ANO10: variants seen among roughly 807,000 people sequenced by gnomAD.
ANO10 encodes the protein anoctamin 10.
ANO10 carries 77 observed loss-of-function variants against 74.7 expected under a neutral mutation model. That is an observed-to-expected ratio of 1.03 (90% confidence interval 0.86 to 1.25). ANO10 has a LOEUF of 1.25. ANO10 is among the 50% of genes most tolerant of loss of function. The pLI is 0.00. For missense variants in ANO10, 721 were observed against 778.1 expected (o/e 0.93, Z 0.87); for synonymous variants, 279 against 284.9 (o/e 0.98, Z 0.21).
At chr3:43,400,352 G>C (rs2092458237) in intron 12 of ANO10, among the ~76,000 whole-genome samples, 2 of 151,802 alleles carry the variant, frequency 1.3e-5, no homozygotes, top group East Asian at 1.9e-4. Context: ...AGACAAATCA[G>C]CAGGCCATCC....
chr3:43,609,339 A>G (rs1260144494), intron 1 of ANO10, among the ~76,000 whole-genome samples: 1 of 152,240 alleles, frequency 6.6e-6, no homozygotes. Context: ...TAAAATGACA[A>G]AGTGAAACCA....
rs2082291091 is a variant in ANO10, at chr3:43,600,480, G to C, written c.241C>G (p.Leu81Val). Reference protein sequence around the residue: ...LVGASKIRMLLGAEAVGLVKE... With the variant: ...LVGASKIRMLVGAEAVGLVKE... ...ACCAATCCCACTGCTTCTGCCCCTA[G>C]TAACATTCTAATCTTGGAGGCACCA... The change falls in exon 3 of 13, where the codon CTA becomes GTA. Residue 81 changes from leucine (L) to valine (V), a missense_variant. Transcript: ENST00000292246. The C allele has an allele frequency of 6.2e-7, 1 of 1,613,950 alleles. No homozygotes were observed. The highest frequency in any genetic ancestry group is 1.3e-5 in the African/African-American group (1 of 74,896).
At chr3:43,481,764 T>C (rs539706021) in intron 11 of ANO10, among the ~76,000 whole-genome samples, 1 of 152,158 alleles carries the variant, frequency 6.6e-6, no homozygotes, top group South Asian at 2.1e-4. Context: ...TTTCAACCAA[T>C]TGCCAGTCAG....
chr3:43,455,653 C>T (rs1180966945), intron 11 of ANO10, among the ~76,000 whole-genome samples: 1 of 152,154 alleles, frequency 6.6e-6, no homozygotes, highest in Non-Finnish European at 1.5e-5. Flanking sequence ...TTGATTATTT[C>T]TCCTTTCACC....
At chr3:43,541,017 A>G (rs553183204) in intron 11 of ANO10, among the ~76,000 whole-genome samples, 62 of 152,238 alleles carry the variant, frequency 4.1e-4, no homozygotes, top group Non-Finnish European at 1.5e-4. Flanking sequence ...AGTAAATTCC[A>G]AGATTATCAC....
At chr3:43,372,620 C>T (rs1385351021) in intron 12 of ANO10, 4 of 496,482 alleles carry the variant, frequency 8.1e-6, no homozygotes, top group Middle Eastern at 5.2e-4. Flanking sequence ...TTTCCTCCTC[C>T]CCCGTCACCA....
chr3:43,581,717 C>T, intron 4 of ANO10, among the ~76,000 whole-genome samples: 1 of 151,898 alleles, frequency 6.6e-6, no homozygotes, highest in East Asian at 1.9e-4. Flanking sequence ...GTCAGGAGTT[C>T]AAAACCAGCC....
intron 1 of ANO10, among the ~76,000 whole-genome samples, chr3:43,634,624 A>G (rs950093388): frequency 6.6e-6 from 1 of 152,202 alleles, no homozygotes. Flanking sequence ...AACAAGAAGC[A>G]CTTAAGTTTC....
intron 1 of ANO10, among the ~76,000 whole-genome samples, chr3:43,629,947 G>A (rs1479398106): frequency 6.6e-6 from 1 of 152,204 alleles, no homozygotes; most frequent in Admixed American, 6.5e-5. Context: ...CCAGAGTTGT[G>A]AGTGCAGTTA....
intron 11 of ANO10, among the ~76,000 whole-genome samples, chr3:43,490,644 C>T (rs1204007621): frequency 6.6e-6 from 1 of 152,128 alleles, no homozygotes; most frequent in Non-Finnish European, 1.5e-5. Context: ...CACTTAATAC[C>T]AAAGTATGAC....
At chr3:43,405,918 A>G (rs2092568120) in intron 12 of ANO10, among the ~76,000 whole-genome samples, 1 of 152,244 alleles carries the variant, frequency 6.6e-6, no homozygotes, top group Non-Finnish European at 1.5e-5. Flanking sequence ...CCTGAAAAGA[A>G]AAACAATTTT....
At chr3:43,419,106 C>T (rs565650947) in intron 12 of ANO10, among the ~76,000 whole-genome samples, 58 of 152,336 alleles carry the variant, frequency 3.8e-4, no homozygotes, top group Non-Finnish European at 7.6e-4. Flanking sequence ...TGTTCCTAGT[C>T]CTGTAGGCTT....
chr3:43,679,488 A>G (rs1288736736), intron 1 of ANO10, among the ~76,000 whole-genome samples: 1 of 152,214 alleles, frequency 6.6e-6, no homozygotes, highest in Non-Finnish European at 1.5e-5. Context: ...GAAGCCTGCC[A>G]GCCTCTGTAG....
chr3:43,388,875 T>C (rs1052659555), intron 12 of ANO10, among the ~76,000 whole-genome samples: 4 of 152,240 alleles, frequency 2.6e-5, no homozygotes, highest in Non-Finnish European at 5.9e-5. Context: ...CCAAATACTA[T>C]CTTCATGCCA....
intron 11 of ANO10, among the ~76,000 whole-genome samples, chr3:43,480,034 T>C (rs2076207945): frequency 6.6e-6 from 1 of 152,118 alleles, no homozygotes. Flanking sequence ...ACTGCATTCA[T>C]GAAATAAAGT....
intron 12 of ANO10, among the ~76,000 whole-genome samples, chr3:43,386,648 C>CGTGTGTGTGTGTGTGT (rs36065814): frequency 3.6e-5 from 5 of 139,890 alleles, no homozygotes; most frequent in Admixed American, 2.2e-4. Flanking sequence ...TAGGTGTGTA[C>CGTGTGTGTGTGTGTGT]GTGTGTGTGT....
At chr3:43,653,152 A>C (rs1392857324) in intron 1 of ANO10, 1 of 152,190 alleles carries the variant, frequency 6.6e-6, no homozygotes, top group African/African-American at 2.4e-5. Flanking sequence ...TACAAGTTGC[A>C]GTGAGCCAAG....
At chr3:43,573,692 G>A (rs1450805208) in intron 7 of ANO10, among the ~76,000 whole-genome samples, 1 of 152,108 alleles carries the variant, frequency 6.6e-6, no homozygotes, top group Admixed American at 6.5e-5. Flanking sequence ...GTAGAAAGAG[G>A]CACGACATGT....
At chr3:43,406,402 A>G (rs2092576945) in intron 12 of ANO10, among the ~76,000 whole-genome samples, 1 of 152,220 alleles carries the variant, frequency 6.6e-6, no homozygotes, top group Non-Finnish European at 1.5e-5. Flanking sequence ...GACATTTTTT[A>G]GAGGCGCATT....
Sources: gnomAD v4.1 joint callset for allele counts (sites outside exome capture counted in the v4.1 genomes callset) on GRCh38, gnomAD v4.1.1 for gene constraint, MANE v1.5 for transcripts, NCBI Gene and HGNC (gene_info 2026-07-23, HGNC 2026-07-21) for gene names.